ZNF700: variants seen among roughly 807,000 people sequenced by gnomAD.
The protein encoded by ZNF700 is zinc finger protein 700.
In ZNF700, 38 loss-of-function variants were observed where a neutral mutation model predicts 65.3. That is an observed-to-expected ratio of 0.58 (90% CI 0.45 to 0.76). ZNF700 has a LOEUF of 0.76. Ranked by LOEUF, ZNF700 falls within the 30% of genes least tolerant of loss-of-function variation. The pLI is 0.00. For missense variants in ZNF700, 857 were observed against 888.4 expected (o/e 0.96, Z 0.45); for synonymous variants, 285 against 290.4 (o/e 0.98, Z 0.19).
intron 1 of ZNF700, among the ~76,000 whole-genome samples, chr19:11,940,780 G>A (rs527240296): frequency 1.3e-4 from 20 of 152,224 alleles, no homozygotes; most frequent in African/African-American, 7.2e-5. Flanking sequence ...TTGACAGGGC[G>A]CTGATTGGTG....
chr19:11,939,085 C>T (rs1357806359), intron 1 of ZNF700, among the ~76,000 whole-genome samples: 1 of 152,012 alleles, frequency 6.6e-6, no homozygotes, highest in Non-Finnish European at 1.5e-5. Flanking sequence ...TTGATTTTTT[C>T]TTGTAAATTT....
intron 1 of ZNF700, among the ~76,000 whole-genome samples, chr19:11,931,553 T>A (rs1266063440): frequency 6.7e-6 from 1 of 148,326 alleles, no homozygotes; most frequent in Non-Finnish European, 1.5e-5. Flanking sequence ...ATCTTGTCTA[T>A]TTTTAGTCAT....
rs376076782 is a variant in ZNF700, at chr19:11,947,718, A to G, written c.251+144A>G. On this transcript the variant is annotated intron_variant, in intron 3 of 3. Transcript: ENST00000254321. ...ATATTTTCTCAAAAAACATATATTT[A>G]AACGTGACTGAGGCTGAGGGCTCAC... is the stretch of plus-strand genomic sequence containing the variant. 10 of 870,412 alleles carry G rather than the reference A, an allele frequency of 1.1e-5. No individual in the cohort carries two copies. The African/African-American group carries it at 1.2e-4, about 10-fold the overall frequency. The allele number at this position is 870,412 out of a possible 1,614,324, so 53.9% of individuals were successfully genotyped here.
chr19:11,949,703 G>T lies in ZNF700; in HGVS notation c.1679G>T (p.Gly560Val). Residue 560 changes from glycine (G) to valine (V), a missense_variant, in exon 4 of 4, where the codon GGA becomes GTA. Physicochemically the swap from Gly to Val is moderately radical, Grantham distance 109. Transcript: ENST00000254321. ...SLRYHERTHT[G>V]EKPYECKQCG... Reference sequence around the variant, plus strand: ...CGATATCATGAAAGGACTCACACTGGAGAGAAACCCTATGAGTGTAAGCAA... The same window carrying T: ...CGATATCATGAAAGGACTCACACTGTAGAGAAACCCTATGAGTGTAAGCAA... 2.5e-6 allele frequency: 4 copies of T among 1,613,980 alleles called. No individual in the cohort carries two copies. Among genetic ancestry groups the T allele is most frequent in the Non-Finnish European group, 3.4e-6 (4 of 1,180,016 alleles).
At chr19:11,946,980 C>T in intron 1 of ZNF700, 2 of 1,040,870 alleles carry the variant, frequency 1.9e-6, no homozygotes, top group Non-Finnish European at 1.3e-6. Context: ...AAGAGTGAAA[C>T]TCTGTCTCAA....
chr19:11,947,926 C>T (rs901236035), intron 3 of ZNF700, among the ~76,000 whole-genome samples: 2 of 152,060 alleles, frequency 1.3e-5, no homozygotes, highest in African/African-American at 4.8e-5. Flanking sequence ...GAGGATCACT[C>T]GAGACTTCAG....
rs566619654 is a variant in ZNF700, at chr19:11,950,120, T to C, written c.2096T>C (p.Ile699Thr). 4.0e-5 allele frequency: 65 copies of C among 1,613,950 alleles called. No individual in the cohort carries two copies. Among genetic ancestry groups the C allele is most frequent in the Non-Finnish European group, 5.3e-5 (62 of 1,179,974 alleles). Residue 699 changes from isoleucine (I) to threonine (T), a missense_variant, in exon 4 of 4, where the codon ATT (isoleucine) becomes ACT (threonine). Physicochemically the swap from Ile to Thr is moderately conservative, Grantham distance 89 (BLOSUM62 -1). Around this residue, in one of 3 missense-constraint regions of ZNF700, gnomAD observed 251 missense variants for 250.3 expected, o/e 1.00. Transcript: ENST00000254321. ...KILQIHARTH[I>T]GEKHYECKEC... ...CTTCAAATACATGCAAGAACACACA[T>C]TGGAGAGAAACACTATGAATGTAAG...
intron 1 of ZNF700, among the ~76,000 whole-genome samples, chr19:11,928,731 C>CAAAAAA (rs779525520): frequency 1.9e-5 from 1 of 53,450 alleles, no homozygotes; most frequent in Non-Finnish European, 3.9e-5. Context: ...GACTCCGTCT[C>CAAAAAA]AAAAAAAAAA....
rs185208686 is a variant in ZNF700 at position 11,928,455 on chromosome 19, G to T, written c.63+3182G>T. Among the ~76,000 whole-genome samples, 308 of 150,554 alleles carry T rather than the reference G, an allele frequency of 2.0e-3. 1 individual carries two copies. Among genetic ancestry groups the T allele is most frequent in the African/African-American group, 7.4e-3 (297 of 39,912 alleles). On this transcript the variant is annotated intron_variant, in intron 1 of 3. Coordinates refer to ENST00000254321, the MANE Select transcript of ZNF700 (RefSeq NM_144566.3). ...TGTGTGAGAAAGTAGTCTCTGGGCC[G>T]GGCGCGGTGGCTCACGCCTGTAATC...
rs778700131 is a variant in ZNF700, at chr19:11,949,104, A to G, written c.1080A>G (p.Arg360=). Residue 360 remains arginine (R), a synonymous_variant, in exon 4 of 4, where the codon AGA becomes AGG. Transcript: ENST00000254321. ...ACATAAGAATGAACTCTGGAGAAAG[A>G]CCTTATAAATGTAAGATATGTGGGA... is the stretch of plus-strand genomic sequence containing the variant. ...QTHIRMNSGE[R]PYKCKICGKG... 1 of 1,612,038 alleles carries G rather than the reference A, an allele frequency of 6.2e-7. No individual in the cohort carries two copies. The highest frequency in any genetic ancestry group is 2.2e-5 in the East Asian group (1 of 44,870).
At chr19:11,946,218 C>G (rs1054227073) in intron 1 of ZNF700, among the ~76,000 whole-genome samples, 1 of 152,108 alleles carries the variant, frequency 6.6e-6, no homozygotes, top group Non-Finnish European at 1.5e-5. Flanking sequence ...AGTCTTAGAT[C>G]GTAAATGAGC....
chr19:11,948,956 G>A lies in ZNF700; in HGVS notation c.932G>A (p.Cys311Tyr). 1.2e-6 allele frequency: 2 copies of A among 1,608,348 alleles called. No homozygotes were observed. The highest frequency in any genetic ancestry group is 1.7e-6 in the Non-Finnish European group (2 of 1,178,754). ...GAGAAGCCTTATCAATGCAAAGAAT[G>A]TGGAAAAGCATTTGCATATACCAGT... ...MGEKPYQCKE[C>Y]GKAFAYTSSL... Residue 311 changes from cysteine to tyrosine, a missense_variant, in exon 4 of 4, where the codon TGT (cysteine) becomes TAT (tyrosine). This residue lies in a region of ZNF700 where 603 missense variants were observed against 619.9 expected (regional missense o/e 0.97). Transcript: ENST00000254321.
intron 1 of ZNF700, among the ~76,000 whole-genome samples, chr19:11,926,257 T>A (rs1166526558): frequency 6.6e-6 from 1 of 152,204 alleles, no homozygotes; most frequent in Non-Finnish European, 1.5e-5. Context: ...ATTCTATCTA[T>A]TTTTACATGA....
Position 11,949,499 on chromosome 19 carries a change from A to G in ZNF700, c.1475A>G (p.His492Arg), listed in dbSNP as rs537743145. The change falls in exon 4 of 4, where the codon CAT becomes CGT. Residue 492 changes from histidine to arginine, a missense_variant. This residue lies in a region of ZNF700 where 603 missense variants were observed against 619.9 expected (regional missense o/e 0.97). Transcript: ENST00000254321. ...AGATATGTGAAGCACCTTCAAATTC[A>G]TGAAAGGACAGAAAAACACATAAGA... ...AFRYVKHLQI[H>R]ERTEKHIRMP... 6.2e-5 allele frequency: 100 copies of G among 1,612,440 alleles called. No homozygotes were observed. Among genetic ancestry groups the G allele is most frequent in the African/African-American group, 2.1e-4 (16 of 74,770 alleles).
Position 11,928,903 on chromosome 19 carries a change from G to A in ZNF700, c.63+3630G>A, listed in dbSNP as rs544526156. Among the ~76,000 whole-genome samples, 3 of 147,428 alleles carry A rather than the reference G, an allele frequency of 2.0e-5. No individual in the cohort carries two copies. The South Asian group carries it at 6.3e-4, about 31-fold the overall frequency. On this transcript the variant is annotated intron_variant, in intron 1 of 3. Transcript: ENST00000254321. ...AAGACCAGCCTGGGCAACATATTGA[G>A]ACCCCATCTCATTTGTGAAAAATCA... is the stretch of plus-strand genomic sequence containing the variant.
rs1465254642 is a variant in ZNF700 at position 11,947,501 on chromosome 19, G to A, written c.191-13G>A. On this transcript the variant is annotated splice_polypyrimidine_tract_variant and intron_variant, in intron 2 of 3. Coordinates refer to ENST00000254321, the MANE Select transcript of ZNF700 (RefSeq NM_144566.3). ...TACTGCTTCAGGACTATTTTTCTGT[G>A]TCTGTATTTTAGGAAAAAAATGGAG... is the stretch of plus-strand genomic sequence containing the variant. 4 of 1,611,644 alleles carry A rather than the reference G, an allele frequency of 2.5e-6. No homozygotes were observed. The highest frequency in any genetic ancestry group is 1.3e-5 in the African/African-American group (1 of 74,890).
chr19:11,930,027 C>A (rs1239645493), intron 1 of ZNF700, among the ~76,000 whole-genome samples: 1 of 147,998 alleles, frequency 6.8e-6, no homozygotes, highest in African/African-American at 2.7e-5. Context: ...CCCAAGACCC[C>A]CACAATTGCC....
chr19:11,930,298 A>G (rs959145411), intron 1 of ZNF700, among the ~76,000 whole-genome samples: 5 of 148,548 alleles, frequency 3.4e-5, no homozygotes, highest in African/African-American at 1.3e-4. Flanking sequence ...GAAGAGAGAA[A>G]TATCCCAAAA....
At chr19:11,943,742 A>G (rs1972919758) in intron 1 of ZNF700, among the ~76,000 whole-genome samples, 1 of 152,222 alleles carries the variant, frequency 6.6e-6, no homozygotes, top group Admixed American at 6.5e-5. Flanking sequence ...CAGTAACCTG[A>G]TGAATACACT....
Sources: allele counts gnomAD v4.1 joint callset (sites outside exome capture counted in the v4.1 genomes callset), GRCh38; gene constraint gnomAD v4.1.1; regional missense constraint gnomAD v4.1.1; transcripts MANE v1.5; gene names NCBI Gene and HGNC (gene_info 2026-07-23, HGNC 2026-07-21).